LIMCH1: variants seen among roughly 807,000 people sequenced by gnomAD.
The protein encoded by LIMCH1 is LIM and calponin homology domains-containing protein 1.
Under a neutral mutation model 176.5 loss-of-function variants are expected in LIMCH1, and 113 were observed. The observed-to-expected ratio is 0.64, with a 90% CI of 0.55 to 0.75. LIMCH1 has a LOEUF of 0.75. LIMCH1 is among the 30% of genes least tolerant of loss of function. The probability of loss-of-function intolerance (pLI) is 0.00; values close to 1 mark genes in which losing one functional copy is unlikely to be tolerated. For missense variants in LIMCH1, 1,674 were observed against 1,814.9 expected (o/e 0.92, Z 1.41); for synonymous variants, 619 against 645.9 (o/e 0.96, Z 0.63).
intron 1 of LIMCH1, among the ~76,000 whole-genome samples, chr4:41,590,676 C>T (rs1447681238): frequency 1.3e-5 from 2 of 152,196 alleles, no homozygotes; most frequent in East Asian, 3.8e-4. Context: ...TCTTCTGCTT[C>T]AAGCAGCCAC....
intron 1 of LIMCH1, among the ~76,000 whole-genome samples, chr4:41,395,462 C>A (rs745545410): frequency 6.7e-6 from 1 of 148,880 alleles, no homozygotes; most frequent in Admixed American, 6.7e-5. Context: ...AAGCTGGTCT[C>A]GAACTCCCGA....
upstream of LIMCH1, among the ~76,000 whole-genome samples, chr4:41,537,091 G>T (rs1334124252): frequency 1.3e-5 from 2 of 152,110 alleles, no homozygotes; most frequent in African/African-American, 4.8e-5. Context: ...CATAATGCAA[G>T]GAAACTATGA....
rs896548380 is a variant in LIMCH1 at position 41,650,599 on chromosome 4, A to G, written c.3027A>G (p.Gln1009=). 4.3e-6 allele frequency: 7 copies of G among 1,612,834 alleles called. No homozygotes were observed. The Admixed American group carries it at 6.7e-5, about 15-fold the overall frequency. ...INIKKPNSVP[Q]ELAATTEKTE... The stretch of plus-strand genomic sequence containing the variant: ...TAAAGAAGCCAAACTCTGTTCCCCA[A>G]GAGCTCGCAGTAAGAACCAAACATT... The change falls in exon 18 of 32, where the codon CAA becomes CAG. Residue 1009 remains glutamine (Q), a synonymous_variant. Coordinates refer to ENST00000503057, the MANE Select transcript of LIMCH1 (RefSeq NM_001330672.2).
chr4:41,683,034 A>C (rs1041390879), intron 26 of LIMCH1, among the ~76,000 whole-genome samples: 1 of 152,156 alleles, frequency 6.6e-6, no homozygotes, highest in Admixed American at 6.5e-5. Flanking sequence ...GGGCAGTATC[A>C]GTCTTCAAAA....
chr4:41,447,038 G>A (rs2063353908), intron 1 of LIMCH1, among the ~76,000 whole-genome samples: 1 of 152,116 alleles, frequency 6.6e-6, no homozygotes, highest in South Asian at 2.1e-4. Flanking sequence ...AGACCAACCC[G>A]GGCAACATGG....
At chr4:41,569,906 A>G (rs73146353) in intron 1 of LIMCH1, among the ~76,000 whole-genome samples, 10,741 of 152,260 alleles carry the variant, frequency 0.071, 1,223 homozygotes, top group African/African-American at 0.24. Context: ...TTCCTATGCT[A>G]TTTAATCTAT....
At chr4:41,371,429 T>C (rs191850163) in intron 1 of LIMCH1, among the ~76,000 whole-genome samples, 1 of 152,300 alleles carries the variant, frequency 6.6e-6, no homozygotes. Context: ...TTTACTCCCT[T>C]TCACTTCACG....
chr4:41,671,524 CT>C lies in LIMCH1; in HGVS notation c.3398-22del, dbSNP rs770443306. On this transcript the variant is annotated intron_variant, in intron 21 of 31. Coordinates refer to ENST00000503057, the MANE Select transcript of LIMCH1 (RefSeq NM_001330672.2). ...AATTAGAAAATACTCACATTCATAT[CT>C]TTTTTTTCTTTCTTTTTTTTCTGTG... 58 of 1,582,332 alleles carry C rather than the reference CT, an allele frequency of 3.7e-5. No homozygotes were observed. The East Asian group carries it at 3.8e-4, about 10-fold the overall frequency.
At chr4:41,694,935 C>T (rs1412876221) in intron 31 of LIMCH1, among the ~76,000 whole-genome samples, 2 of 152,036 alleles carry the variant, frequency 1.3e-5, no homozygotes, top group East Asian at 3.9e-4. Context: ...TTCCACTCTG[C>T]TTGGTGGGGG....
At chr4:41,677,346 T>G (rs1162109529) in intron 23 of LIMCH1, among the ~76,000 whole-genome samples, 1 of 151,886 alleles carries the variant, frequency 6.6e-6, no homozygotes, top group Non-Finnish European at 1.5e-5. Flanking sequence ...AGGCGGAGGT[T>G]GCAGTGAGCC....
rs545744825 is a variant in LIMCH1 at position 41,557,236 on chromosome 4, A to G, written c.-241+18886A>G. ...CAGGATGGAGGAGTTGCCTCCATTTATAAGGACTAGGCATCAAGTGGTCAT... is the reference window on the plus strand; with the variant it reads ...CAGGATGGAGGAGTTGCCTCCATTTGTAAGGACTAGGCATCAAGTGGTCAT... On this transcript the variant is annotated intron_variant, in intron 1 of 31. Transcript: ENST00000503057. Among the ~76,000 whole-genome samples the G allele has an allele frequency of 3.3e-5, 5 of 152,304 alleles. No individual in the cohort carries two copies. The South Asian group carries it at 1.0e-3, about 32-fold the overall frequency.
At chr4:41,559,536 C>A (rs1181555432) in intron 1 of LIMCH1, among the ~76,000 whole-genome samples, 1 of 152,098 alleles carries the variant, frequency 6.6e-6, no homozygotes, top group African/African-American at 2.4e-5. Context: ...CTCCCGTTTT[C>A]TTCATCCTCT....
Position 41,620,861 on chromosome 4 carries a change from C to G in LIMCH1, c.725+171C>G, listed in dbSNP as rs567057453. Among the ~76,000 whole-genome samples the G allele has an allele frequency of 4.8e-4, 73 of 152,314 alleles. 2 individuals carry two copies. Among genetic ancestry groups the G allele is most frequent in the African/African-American group, 1.7e-3 (72 of 41,574 alleles). On this transcript the variant is annotated intron_variant, in intron 7 of 31. Coordinates refer to ENST00000503057, the MANE Select transcript of LIMCH1 (RefSeq NM_001330672.2). Reference sequence around the variant, plus strand: ...TGATAGTCTTTGCCTTAAGGCATGTCTCTGCTAAGTACCTCCTGGGTATTT... The same window carrying G: ...TGATAGTCTTTGCCTTAAGGCATGTGTCTGCTAAGTACCTCCTGGGTATTT...
At chr4:41,471,392 A>G (rs1447284785) in intron 1 of LIMCH1, among the ~76,000 whole-genome samples, 1 of 152,192 alleles carries the variant, frequency 6.6e-6, no homozygotes, top group African/African-American at 2.4e-5. Flanking sequence ...ACAATGCTTA[A>G]TATTTCAAAG....
chr4:41,624,920 C>T (rs1414037580), intron 7 of LIMCH1, among the ~76,000 whole-genome samples: 1 of 152,170 alleles, frequency 6.6e-6, no homozygotes, highest in East Asian at 1.9e-4. Context: ...TGAGGCTGTG[C>T]AGGATCGCCA....
chr4:41,626,984 A>G lies in LIMCH1; in HGVS notation c.1002A>G (p.Ser334=). The change falls in exon 8 of 32, where the codon TCA becomes TCG. Residue 334 remains serine (S), a synonymous_variant. Coordinates refer to ENST00000503057, the MANE Select transcript of LIMCH1 (RefSeq NM_001330672.2). ...GCAAACAGCTCTCAAAGGGAATCTC[A>G]AAAAAAAGAAGTCTAGAATATAAAA... ...DGSKQLSKGI[S]KKRSLEYKRN... is the part of the protein sequence containing the mutation. 1 of 1,533,328 alleles carries G rather than the reference A, an allele frequency of 6.5e-7. No individual in the cohort carries two copies. The highest frequency in any genetic ancestry group is 8.7e-7 in the Non-Finnish European group (1 of 1,145,762). The allele number at this position is 1,533,328 out of a possible 1,614,324, so 95.0% of individuals were successfully genotyped here.
At chr4:41,634,699 G>A (rs533385848) in intron 13 of LIMCH1, among the ~76,000 whole-genome samples, 33 of 152,320 alleles carry the variant, frequency 2.2e-4, no homozygotes, top group South Asian at 8.3e-4. Context: ...GCTTTGTAGC[G>A]TTTCCTGTGT....
At chr4:41,595,076 G>A (rs1327582166) in intron 1 of LIMCH1, among the ~76,000 whole-genome samples, 3 of 152,138 alleles carry the variant, frequency 2.0e-5, no homozygotes, top group African/African-American at 7.2e-5. Context: ...TGGGGTAAAG[G>A]GTTTATTTAC....
At chr4:41,688,272 T>C (rs929439950) in intron 29 of LIMCH1, among the ~76,000 whole-genome samples, 4 of 152,358 alleles carry the variant, frequency 2.6e-5, no homozygotes, top group African/African-American at 9.6e-5. Flanking sequence ...CGGGATCCAC[T>C]GATGGCTCTT....
Sources: gnomAD v4.1 joint callset for allele counts (sites outside exome capture counted in the v4.1 genomes callset) on GRCh38, gnomAD v4.1.1 for gene constraint, MANE v1.5 for transcripts, NCBI Gene and HGNC (gene_info 2026-07-23, HGNC 2026-07-21) for gene names.